SH3KBP1: variants seen among roughly 807,000 people sequenced by gnomAD.
The protein encoded by SH3KBP1 is SH3 domain-containing kinase-binding protein 1.
SH3KBP1 carries 8 observed loss-of-function variants against 50.1 expected under a neutral mutation model. That is an observed-to-expected ratio of 0.16 (90% CI 0.09 to 0.29). The LOEUF is 0.29. Among genes scored for constraint, SH3KBP1 ranks in the 10% least tolerant of loss-of-function variants. The pLI, the probability that SH3KBP1 is intolerant of heterozygous loss-of-function variation, is 1.00. For missense variants in SH3KBP1, 377 were observed against 535.2 expected, an observed-to-expected ratio of 0.70 and a Z score of 2.92; for synonymous variants, 227 against 218.6, an observed-to-expected ratio of 1.04 and a Z score of -0.34.
intron 8 of SH3KBP1, among the ~76,000 whole-genome samples, chrX:19,621,184 C>T (rs933188173): frequency 1.1e-3 from 110 of 103,524 alleles, no homozygotes; most frequent in African/African-American, 3.7e-3. Context: ...ACGCCATTCT[C>T]CTGCCTCAGC....
chrX:19,739,083 A>G (rs976358123), intron 3 of SH3KBP1, among the ~76,000 whole-genome samples: 2 of 109,476 alleles, frequency 1.8e-5, no homozygotes, highest in African/African-American at 6.7e-5. Context: ...CTCTGAATGC[A>G]TTATTCCCAT....
intron 2 of SH3KBP1, among the ~76,000 whole-genome samples, chrX:19,807,547 C>G (rs940425901): frequency 5.6e-4 from 62 of 111,515 alleles, no homozygotes; most frequent in Non-Finnish European, 9.6e-4. Flanking sequence ...ACCAGCCACT[C>G]TAGCCACTCT....
intron 5 of SH3KBP1, among the ~76,000 whole-genome samples, chrX:19,693,289 A>G (rs1272046935): frequency 9.0e-6 from 1 of 111,716 alleles, no homozygotes; most frequent in East Asian, 2.8e-4. Context: ...TTTTAGTAAC[A>G]ATGGGGTGCC....
chrX:19,737,617 G>T (rs1406885465), intron 3 of SH3KBP1, among the ~76,000 whole-genome samples: 2 of 111,509 alleles, frequency 1.8e-5, no homozygotes, highest in East Asian at 2.8e-4. Context: ...TGTTGACTAT[G>T]TAGAGACTGT....
intron 15 of SH3KBP1, among the ~76,000 whole-genome samples, chrX:19,545,229 A>C (rs1466473053): frequency 8.9e-6 from 1 of 112,190 alleles, no homozygotes; most frequent in East Asian, 2.8e-4. Flanking sequence ...AAATAATTCC[A>C]ATTGACTTGG....
intron 2 of SH3KBP1, among the ~76,000 whole-genome samples, chrX:19,779,655 C>G (rs1461917089): frequency 2.0e-5 from 2 of 99,400 alleles, no homozygotes; most frequent in Non-Finnish European, 4.0e-5. Context: ...TCAATTCCCA[C>G]CTATGAGTGA....
chrX:19,696,769 G>T (rs1457127755), intron 4 of SH3KBP1, among the ~76,000 whole-genome samples: 2 of 111,912 alleles, frequency 1.8e-5, no homozygotes, highest in Non-Finnish European at 3.8e-5. Context: ...CAAGTATTAA[G>T]TTACAAGCTG....
chrX:19,553,725 C>T (rs1382124561), intron 13 of SH3KBP1, among the ~76,000 whole-genome samples: 1 of 102,615 alleles, frequency 9.7e-6, no homozygotes, highest in Non-Finnish European at 2.0e-5. Context: ...AGCCTGGCCA[C>T]GCTTAGCAAG....
chrX:19,870,009 T>C (rs1052651794), intron 1 of SH3KBP1, among the ~76,000 whole-genome samples: 1 of 111,749 alleles, frequency 8.9e-6, no homozygotes, highest in Admixed American at 9.5e-5. Flanking sequence ...CAAAAGTCCA[T>C]CGGGGAGAAA....
At chrX:19,709,101 G>T (rs1291144111) in intron 3 of SH3KBP1, among the ~76,000 whole-genome samples, 1 of 112,302 alleles carries the variant, frequency 8.9e-6, no homozygotes, top group African/African-American at 3.2e-5. Context: ...TAATGAGACT[G>T]CTCTTAAACC....
chrX:19,693,236 C>T (rs909842034), intron 5 of SH3KBP1, among the ~76,000 whole-genome samples: 2 of 111,448 alleles, frequency 1.8e-5, no homozygotes, highest in Non-Finnish European at 3.8e-5. Flanking sequence ...AGCAGGGACC[C>T]TGTCTGATTT....
At chrX:19,638,366 C>T (rs1360573753) in intron 7 of SH3KBP1, among the ~76,000 whole-genome samples, 7 of 101,871 alleles carry the variant, frequency 6.9e-5, no homozygotes, top group African/African-American at 2.2e-4. Flanking sequence ...GCCAAGATCG[C>T]GCCACTGCAG....
intron 6 of SH3KBP1, among the ~76,000 whole-genome samples, chrX:19,662,934 A>G (rs2062498773): frequency 9.1e-6 from 1 of 110,091 alleles, no homozygotes; most frequent in South Asian, 3.9e-4. Context: ...CAAAAGGTCA[A>G]TAAAGTCTAT....
At chrX:19,732,776 C>A (rs760233961) in intron 3 of SH3KBP1, among the ~76,000 whole-genome samples, 35 of 111,788 alleles carry the variant, frequency 3.1e-4, no homozygotes, top group Non-Finnish European at 4.5e-4. Context: ...AAAAGAGGAA[C>A]TTTTTTTAAT....
chrX:19,801,892 A>G (rs2066902758), intron 2 of SH3KBP1, among the ~76,000 whole-genome samples: 1 of 111,202 alleles, frequency 9.0e-6, no homozygotes, highest in Non-Finnish European at 1.9e-5. Context: ...CCTGGCCAAC[A>G]TGGAGAAACC....
chrX:19,602,867 T>C (rs1452130975), intron 9 of SH3KBP1, among the ~76,000 whole-genome samples: 2 of 111,217 alleles, frequency 1.8e-5, no homozygotes, highest in African/African-American at 6.5e-5. Flanking sequence ...ACGAATTTGG[T>C]ATAGGGAAGG....
chrX:19,732,606 C>G (rs936158210), intron 3 of SH3KBP1, among the ~76,000 whole-genome samples: 43 of 107,309 alleles, frequency 4.0e-4, no homozygotes, highest in African/African-American at 1.5e-3. Flanking sequence ...TACACACACA[C>G]ACACACACAC....
chrX:19,555,602 C>T (rs1047949378), intron 13 of SH3KBP1, among the ~76,000 whole-genome samples: 33 of 112,111 alleles, frequency 2.9e-4, no homozygotes, highest in African/African-American at 1.0e-3. Context: ...AGTTTGCTTA[C>T]AGCTAAAACC....
In SH3KBP1 at chrX:19,684,006, G is replaced by A. The variant is rs373105646; in HGVS notation, c.543C>T (p.Ser181=). The part of the protein sequence containing the change: ...SKSSLRETTG[S]ESDGGDSSST... ...TGCTTGAGTCACCCCCATCACTCTC[G>A]GAGCCTGTGGTTTCCCTTAAACCTG... The change falls in exon 6 of 18, where the codon TCC becomes TCT. Residue 181 remains serine (S), a synonymous_variant. Transcript: ENST00000397821. 9.0e-5 allele frequency: 109 copies of A among 1,208,036 alleles called. No individual in the cohort carries two copies. The highest frequency in any genetic ancestry group is 2.4e-4 in the Middle Eastern group (1 of 4,253).
Sources: gnomAD v4.1 joint callset for allele counts (sites outside exome capture counted in the v4.1 genomes callset) on GRCh38, gnomAD v4.1.1 for gene constraint, MANE v1.5 for transcripts, NCBI Gene and HGNC (gene_info 2026-07-23, HGNC 2026-07-21) for gene names.